Variants in BRD2 observed in about 807,000 individuals in gnomAD.
BRD2 encodes the protein bromodomain-containing protein 2.
In BRD2, 15 loss-of-function variants were observed where a neutral mutation model predicts 79.1. The ratio of observed to expected loss-of-function variants is 0.19; its 90% CI spans 0.13 to 0.29. The LOEUF is 0.29. Among genes scored for constraint, BRD2 ranks in the 10% least tolerant of loss-of-function variants. The probability of loss-of-function intolerance (pLI) is 1.00; values close to 1 mark genes in which losing one functional copy is unlikely to be tolerated. For missense variants in BRD2, 1,053 were observed against 991.3 expected, an observed-to-expected ratio of 1.06 and a Z score of -0.84; for synonymous variants, 488 against 358.6, an observed-to-expected ratio of 1.36 and a Z score of -4.08.
chr6:32,972,977 C>T (rs1778225842), intron 2 of BRD2, 50 bp downstream of exon 2: 2 of 1,613,996 alleles, frequency 1.2e-6, no homozygotes, highest in Non-Finnish European at 1.7e-6. Context: ...AGGGCGGCGG[C>T]ACAGGGGTGT....
intron 1 of BRD2, chr6:32,969,461 C>T: frequency 1.5e-6 from 1 of 660,848 alleles, no homozygotes; most frequent in South Asian, 1.6e-5. Context: ...AGTTGGCCAC[C>T]CATGTTGTGA....
Position 32,980,880 on chromosome 6 carries a change from A to G in BRD2, c.*162A>G. 1 of 808,926 alleles carries G rather than the reference A, an allele frequency of 1.2e-6. No homozygotes were observed. The highest frequency in any genetic ancestry group is 1.9e-6 in the Non-Finnish European group (1 of 522,624). 50.1% of individuals were successfully genotyped at this position (808,926 alleles called of 1,614,324 possible). Reference sequence around the variant, plus strand: ...TGCAGTGGGGGAGGGATGCAGGGACATTTACTGAAGGAGGGACATGGACAA... The same window carrying G: ...TGCAGTGGGGGAGGGATGCAGGGACGTTTACTGAAGGAGGGACATGGACAA... On this transcript the variant is annotated 3_prime_UTR_variant, in exon 13 of 13. Transcript: ENST00000374825.
At chr6:32,969,526 G>A (rs1415847465) in intron 1 of BRD2, among the ~76,000 whole-genome samples, 1 of 152,218 alleles carries the variant, frequency 6.6e-6, no homozygotes, top group African/African-American at 2.4e-5. Flanking sequence ...TCTGGAGGGA[G>A]CATTGCTGTG....
At chr6:32,969,694 G>T (rs1777774125) in intron 1 of BRD2, among the ~76,000 whole-genome samples, 1 of 152,318 alleles carries the variant, frequency 6.6e-6, no homozygotes, top group East Asian at 1.9e-4. Context: ...TCTACTCCAG[G>T]CTGGGGTGCT....
chr6:32,969,479 T>C lies in BRD2; in HGVS notation c.-1305+423T>C, dbSNP rs1475347398. On this transcript the variant is annotated intron_variant, in intron 1 of 12. Coordinates refer to ENST00000374825, the MANE Select transcript of BRD2 (RefSeq NM_005104.4). The stretch of plus-strand genomic sequence containing the variant: ...TGGCCACCCATGTTGTGAACTGAGG[T>C]TGTTCCCAGGCGCCAACTTCCTTTC... 8.3e-6 allele frequency: 5 copies of C among 603,654 alleles called. No homozygotes were observed. In the East Asian group the frequency reaches 1.4e-4, roughly 17 times the overall value. 37.4% of individuals were successfully genotyped at this position (603,654 alleles called of 1,614,324 possible).
chr6:32,976,319 A>G lies in BRD2; in HGVS notation c.680A>G (p.Tyr227Cys), dbSNP rs767217604. 2.5e-6 allele frequency: 4 copies of G among 1,612,870 alleles called. No homozygotes were observed. The highest frequency in any genetic ancestry group is 3.4e-6 in the Non-Finnish European group (4 of 1,180,008). ...AVSSVSHTAL[Y>C]TPPPEIPTTV... ...TCTTCTGTGTCACACACAGCCCTGT[A>G]TACTCCTCCACCTGAGATACCTACC... The change falls in exon 6 of 13, where the codon TAT becomes TGT. Residue 227 changes from tyrosine to cysteine, a missense_variant. By Grantham distance (194) the Tyr-to-Cys change is radical. Around this residue, in one of 5 missense-constraint regions of BRD2, gnomAD observed 413 missense variants for 335.1 expected, o/e 1.23. Transcript: ENST00000374825.
intron 4 of BRD2, among the ~76,000 whole-genome samples, chr6:32,975,791 G>C (rs1362101298): frequency 6.6e-6 from 1 of 152,086 alleles, no homozygotes; most frequent in Admixed American, 6.5e-5. Flanking sequence ...GAGTAGACCA[G>C]GGATCTGTTT....
intron 2 of BRD2, among the ~76,000 whole-genome samples, chr6:32,974,219 A>G (rs1019055940): frequency 6.6e-6 from 1 of 152,222 alleles, no homozygotes; most frequent in African/African-American, 2.4e-5. Flanking sequence ...AAAAGAACAG[A>G]TAGAGCCTAT....
rs574317080 is a variant in BRD2, at chr6:32,972,806, A to G, written c.-93A>G. On this transcript the variant is annotated 5_prime_UTR_variant, in exon 2 of 13. Coordinates refer to ENST00000374825, the MANE Select transcript of BRD2 (RefSeq NM_005104.4). ...GCCCAAGAGGAACGGCCTCCCCCCAACTTAGCGGGTTATGCTGGACCGGGC... is the reference window on the plus strand; with the variant it reads ...GCCCAAGAGGAACGGCCTCCCCCCAGCTTAGCGGGTTATGCTGGACCGGGC... The G allele has an allele frequency of 1.5e-5, 24 of 1,595,194 alleles. No individual in the cohort carries two copies. The highest frequency in any genetic ancestry group is 2.2e-5 in the East Asian group (1 of 44,794).
At position 32,979,893 on chromosome 6, in the gene BRD2, A is replaced by G; in HGVS notation, c.1907A>G (p.Glu636Gly). The part of the protein sequence containing the change: ...ALPTGYDSEE[E>G]EESRPMSYDE... ...CCTACAGGTTATGATTCAGAGGAGG[A>G]GGAAGAGAGCAGGCCCATGAGTTAC... The change falls in exon 11 of 13, where the codon GAG becomes GGG. Residue 636 changes from glutamate to glycine, a missense_variant. This residue lies in a region of BRD2 where 44 missense variants were observed against 73.7 expected (regional missense o/e 0.60). Transcript: ENST00000374825. 6.2e-7 allele frequency: 1 copy of G among 1,613,182 alleles called. No homozygotes were observed. Among genetic ancestry groups the G allele is most frequent in the Non-Finnish European group, 8.5e-7 (1 of 1,180,026 alleles).
intron 1 of BRD2, chr6:32,969,352 G>A: frequency 1.4e-6 from 1 of 717,016 alleles, no homozygotes; most frequent in Non-Finnish European, 2.6e-6. Flanking sequence ...CCGGGAGCCA[G>A]GTGAGAAGGG....
Position 32,971,677 on chromosome 6 carries a change from G to A in BRD2, c.-1222G>A. ...CCACACCCCTGGCGGGTTCAGGCAG[G>A]CTACGCCCACGCGACCCCTCCCGTT... On this transcript the variant is annotated 5_prime_UTR_variant, in exon 2 of 13. Coordinates refer to ENST00000374825, the MANE Select transcript of BRD2 (RefSeq NM_005104.4). The A allele has an allele frequency of 1.9e-6, 1 of 518,654 alleles. No individual in the cohort carries two copies. The highest frequency in any genetic ancestry group is 3.4e-6 in the Non-Finnish European group (1 of 294,834). The allele number at this position is 518,654 out of a possible 1,614,324, so 32.1% of individuals were successfully genotyped here. A position where few individuals can be genotyped will look rare whatever the true frequency, so the allele number is the denominator to read the frequency against.
chr6:32,977,132 C>T lies in BRD2; in HGVS notation c.1200+196C>T. On this transcript the variant is annotated intron_variant, in intron 7 of 12. Transcript: ENST00000374825. ...AGTTTGAAACAGTAGGGTGGGGTTT[C>T]TTTGTCTTGAGAAAAATACTGTCTA... 12 of 1,260,306 alleles carry T rather than the reference C, an allele frequency of 9.5e-6. No individual in the cohort carries two copies. In the South Asian group the frequency reaches 1.6e-4, roughly 17 times the overall value. The allele number at this position is 1,260,306 out of a possible 1,614,324, so 78.1% of individuals were successfully genotyped here.
Position 32,972,164 on chromosome 6 carries a change from C to T in BRD2, c.-735C>T, listed in dbSNP as rs772370893. On this transcript the variant is annotated 5_prime_UTR_variant, in exon 2 of 13. Coordinates refer to ENST00000374825, the MANE Select transcript of BRD2 (RefSeq NM_005104.4). The stretch of plus-strand genomic sequence containing the variant: ...GAGCGGCGAAGCTCCTCCTCCCCGC[C>T]TATATATAAAGGGCTGGCGCGGGGC... The T allele has an allele frequency of 4.8e-6, 3 of 627,658 alleles. No homozygotes were observed. Among genetic ancestry groups the T allele is most frequent in the Admixed American group, 2.4e-5 (1 of 42,104 alleles). The allele number at this position is 627,658 out of a possible 1,614,324, so 38.9% of individuals were successfully genotyped here. A position where few individuals can be genotyped will look rare whatever the true frequency, so the allele number is the denominator to read the frequency against.
chr6:32,969,304 G>A, intron 1 of BRD2: 1 of 715,268 alleles, frequency 1.4e-6, no homozygotes, highest in Non-Finnish European at 2.6e-6. Context: ...GGGCGGTGTG[G>A]CCCCCCCTAT....
At position 32,972,096 on chromosome 6, in the gene BRD2, G is replaced by A; in HGVS notation, c.-803G>A. 2.9e-6 allele frequency: 2 copies of A among 693,976 alleles called. No individual in the cohort carries two copies. Among genetic ancestry groups the A allele is most frequent in the Admixed American group, 4.1e-5 (2 of 48,942 alleles). 43.0% of individuals were successfully genotyped at this position (693,976 alleles called of 1,614,324 possible). On this transcript the variant is annotated 5_prime_UTR_variant, in exon 2 of 13. Transcript: ENST00000374825. ...TTCACCCGCGTGAGCGAGCGCGCGC[G>A]CGCGGAGGGGGTGGGGAAAAGCTCA...
In BRD2 at chr6:32,980,778, C is replaced by G; in HGVS notation, c.*60C>G. On this transcript the variant is annotated 3_prime_UTR_variant, in exon 13 of 13. Transcript: ENST00000374825. ...GGACCGGACCCCTAGACCACCCTGC[C>G]CCACCTGCCCCTTCCCCCTTTGCTG... 1 of 1,582,772 alleles carries G rather than the reference C, an allele frequency of 6.3e-7. No homozygotes were observed. The highest frequency in any genetic ancestry group is 1.7e-5 in the Admixed American group (1 of 59,776).
intron 2 of BRD2, 66 bp downstream of exon 2, chr6:32,972,993 G>A (rs1410017880): frequency 1.2e-6 from 2 of 1,613,702 alleles, no homozygotes; most frequent in Non-Finnish European, 1.7e-6. Flanking sequence ...GGTGTGGGGC[G>A]CCGTGTTGGG....
At chr6:32,977,379 G>C (rs1778904547) in intron 7 of BRD2, 63 bp from the exon 8 acceptor site, 1 of 1,612,158 alleles carries the variant, frequency 6.2e-7, no homozygotes, top group Non-Finnish European at 8.5e-7. Flanking sequence ...GTGGTGTCTG[G>C]GGTTGGCAGG....
Sources: allele counts gnomAD v4.1 joint callset (sites outside exome capture counted in the v4.1 genomes callset), GRCh38; gene constraint gnomAD v4.1.1; regional missense constraint gnomAD v4.1.1; transcripts MANE v1.5; gene names NCBI Gene and HGNC (gene_info 2026-07-23, HGNC 2026-07-21).